KSR2: variants seen among roughly 807,000 people sequenced by gnomAD.
KSR2 encodes kinase suppressor of ras 2.
In KSR2, 25 loss-of-function variants were observed where a neutral mutation model predicts 107.8. That is an observed-to-expected ratio of 0.23 (90% CI 0.17 to 0.32). KSR2 has a LOEUF of 0.32. Ranked by LOEUF, KSR2 falls within the 10% of genes least tolerant of loss-of-function variation. KSR2 has a pLI of 1.00. For missense variants in KSR2, 887 were observed against 1,268.9 expected, an observed-to-expected ratio of 0.70 and a Z score of 4.57; for synonymous variants, 480 against 507.0, an observed-to-expected ratio of 0.95 and a Z score of 0.71.
At chr12:117,935,704 G>A (rs1177111870) in intron 1 of KSR2, among the ~76,000 whole-genome samples, 2 of 152,180 alleles carry the variant, frequency 1.3e-5, no homozygotes, top group African/African-American at 4.8e-5. Flanking sequence ...AGATTGCAGT[G>A]AGCCAAGATT....
At chr12:117,484,590 T>A in intron 15 of KSR2, 41 bp from the exon 16 acceptor site, 1 of 1,607,388 alleles carries the variant, frequency 6.2e-7, no homozygotes, top group Non-Finnish European at 8.5e-7. Context: ...GAGAAAAACC[T>A]AAGAGCTTGC....
chr12:117,780,952 G>C (rs977082327), intron 3 of KSR2, among the ~76,000 whole-genome samples: 1 of 152,130 alleles, frequency 6.6e-6, no homozygotes, highest in Non-Finnish European at 1.5e-5. Context: ...ATTTGCACTG[G>C]GGTCTTGATA....
intron 12 of KSR2, 82 bp downstream of exon 12, chr12:117,530,859 A>G: frequency 8.2e-7 from 1 of 1,217,556 alleles, no homozygotes; most frequent in Non-Finnish European, 1.2e-6. Flanking sequence ...AAGAGAAGGA[A>G]AGAAGATAGG....
At chr12:117,481,081 A>G (rs1872149529) in intron 16 of KSR2, among the ~76,000 whole-genome samples, 1 of 152,148 alleles carries the variant, frequency 6.6e-6, no homozygotes, top group African/African-American at 2.4e-5. Flanking sequence ...AGAAAAAAAA[A>G]GAGCAAAATG....
intron 11 of KSR2, 106 bp downstream of exon 11, chr12:117,531,560 T>C: frequency 1.3e-5 from 12 of 954,528 alleles, no homozygotes; most frequent in Non-Finnish European, 2.0e-5. Flanking sequence ...CTACCCTCTT[T>C]GATCTTAGGC....
intron 1 of KSR2, among the ~76,000 whole-genome samples, chr12:117,951,207 G>A (rs1444388548): frequency 3.3e-5 from 5 of 152,004 alleles, no homozygotes; most frequent in Non-Finnish European, 7.4e-5. Flanking sequence ...CGCGCCCGGC[G>A]GCAACCAGTG....
At chr12:117,916,133 TTC>T (rs201335318) in intron 1 of KSR2, among the ~76,000 whole-genome samples, 2 of 117,648 alleles carry the variant, frequency 1.7e-5, no homozygotes, top group African/African-American at 3.6e-5. Flanking sequence ...TTATTTCTTC[TTC>T]TTTTTTTTTT....
rs371368699 is a variant in KSR2, at chr12:117,730,331, AC to A, written c.986+30679del. Reference sequence around the variant, plus strand: ...ACCTCGTGGGATGCTATAAACTGATACTATATATAAGGCACTTAGCACAATG... The same window carrying A: ...ACCTCGTGGGATGCTATAAACTGATATATATATAAGGCACTTAGCACAATG... On this transcript the variant is annotated intron_variant, in intron 4 of 19. Transcript: ENST00000339824. Among the ~76,000 whole-genome samples the A allele has an allele frequency of 8.5e-5, 13 of 152,266 alleles. No homozygotes were observed. In the South Asian group the frequency reaches 1.7e-3, roughly 19 times the overall value.
At chr12:117,953,858 G>A (rs1041815915) in intron 1 of KSR2, among the ~76,000 whole-genome samples, 13 of 152,168 alleles carry the variant, frequency 8.5e-5, no homozygotes, top group African/African-American at 3.1e-4. Flanking sequence ...TTGAGGACAA[G>A]GTGGGAAAAT....
intron 1 of KSR2, among the ~76,000 whole-genome samples, chr12:117,865,745 A>G (rs1893445711): frequency 6.6e-6 from 1 of 152,148 alleles, no homozygotes; most frequent in Non-Finnish European, 1.5e-5. Context: ...AAAATTGAAA[A>G]ACTAGGCTAA....
At chr12:117,928,326 G>T (rs780483088) in intron 1 of KSR2, among the ~76,000 whole-genome samples, 4 of 152,022 alleles carry the variant, frequency 2.6e-5, no homozygotes, top group Non-Finnish European at 4.4e-5. Flanking sequence ...GGAACTACAG[G>T]CATGCGCCAC....
chr12:117,769,181 C>T (rs80296907), intron 3 of KSR2, among the ~76,000 whole-genome samples: 3,286 of 152,196 alleles, frequency 0.022, 41 homozygotes, highest in Admixed American at 0.03. Flanking sequence ...TTTTTCTAGC[C>T]TGAAAAGATT....
rs1377417074 is a variant in KSR2, at chr12:117,454,741, T to G, written c.*12458A>C. The G allele has an allele frequency of 6.6e-6, 1 of 152,214 alleles. No individual in the cohort carries two copies. The highest frequency in any genetic ancestry group is 1.9e-4 in the East Asian group (1 of 5,196). 9.4% of individuals were successfully genotyped at this position (152,214 alleles called of 1,614,324 possible). A position where few individuals can be genotyped will look rare whatever the true frequency, so the allele number is the denominator to read the frequency against. ...TCAGGGGCCTATTCATAGAGTGATA[T>G]GAACTGTCCCAGAAAGAGGTTTTTT... On this transcript the variant is annotated 3_prime_UTR_variant, in exon 20 of 20. Coordinates refer to ENST00000339824, the MANE Select transcript of KSR2 (RefSeq NM_173598.6).
intron 1 of KSR2, among the ~76,000 whole-genome samples, chr12:117,861,448 G>C (rs1404262166): frequency 1.4e-5 from 2 of 138,734 alleles, no homozygotes; most frequent in Admixed American, 7.7e-5. Flanking sequence ...GAGTGCAGTG[G>C]CGTGATCTCG....
intron 5 of KSR2, among the ~76,000 whole-genome samples, chr12:117,622,480 T>G: frequency 6.6e-6 from 1 of 152,180 alleles, no homozygotes; most frequent in East Asian, 1.9e-4. Context: ...ATTTGTGCAA[T>G]TTGAGTGTTG....
chr12:117,702,572 C>A (rs985165520), intron 4 of KSR2, among the ~76,000 whole-genome samples: 7 of 152,190 alleles, frequency 4.6e-5, no homozygotes, highest in Non-Finnish European at 1.0e-4. Context: ...TTCCCATAAA[C>A]CATATCAAAG....
intron 9 of KSR2, among the ~76,000 whole-genome samples, chr12:117,540,842 T>C (rs1038183665): frequency 2.6e-5 from 4 of 152,348 alleles, no homozygotes; most frequent in Admixed American, 2.0e-4. Context: ...CCTCTAGAAC[T>C]GTGTGAGAAT....
intron 3 of KSR2, among the ~76,000 whole-genome samples, chr12:117,767,848 G>A (rs907274485): frequency 2.6e-5 from 4 of 152,022 alleles, no homozygotes; most frequent in African/African-American, 9.7e-5. Context: ...GGACTTCCCA[G>A]GGTTTTGCTC....
At chr12:117,605,666 A>G (rs922374371) in intron 5 of KSR2, among the ~76,000 whole-genome samples, 2 of 152,192 alleles carry the variant, frequency 1.3e-5, no homozygotes, top group African/African-American at 2.4e-5. Flanking sequence ...ACAAAGATAA[A>G]TGTACATGTA....
Sources: gnomAD v4.1 joint callset for allele counts (sites outside exome capture counted in the v4.1 genomes callset) on GRCh38, gnomAD v4.1.1 for gene constraint, MANE v1.5 for transcripts, NCBI Gene and HGNC (gene_info 2026-07-23, HGNC 2026-07-21) for gene names.